Variants in ZFHX3 observed in about 807,000 individuals in gnomAD.
ZFHX3 encodes the protein zinc finger homeobox protein 3.
In ZFHX3, 42 loss-of-function variants were observed where a neutral mutation model predicts 279.1. That is an observed-to-expected ratio of 0.15 (90% CI 0.12 to 0.19). The LOEUF (loss-of-function observed/expected upper bound fraction) is 0.19. Among genes scored for constraint, ZFHX3 ranks in the 10% least tolerant of loss-of-function variants. The pLI is 1.00. For missense variants in ZFHX3, 4,981 were observed against 4,754.0 expected, an observed-to-expected ratio of 1.05 and a Z score of -1.40; for synonymous variants, 2,293 against 1,957.8, an observed-to-expected ratio of 1.17 and a Z score of -4.52.
rs77877180 is a variant in ZFHX3, at chr16:73,866,832, C to T, written c.-1608+24819G>A. Among the ~76,000 whole-genome samples, 1,034 of 152,250 alleles carry T rather than the reference C, an allele frequency of 6.8e-3. 10 individuals are homozygous for T. Among genetic ancestry groups the T allele is most frequent in the African/African-American group, 0.023 (969 of 41,534 alleles). ...TGGCCTGGTGAGCTGTTGACAGCTA[C>T]GGGCATCTAGTGCTTCATCCTGCCA... On this transcript the variant is annotated intron_variant, in intron 1 of 17. Transcript: ENST00000641206.
At chr16:72,948,024 G>C (rs1960787161) in intron 3 of ZFHX3, among the ~76,000 whole-genome samples, 1 of 152,212 alleles carries the variant, frequency 6.6e-6, no homozygotes, top group Admixed American at 6.5e-5. Flanking sequence ...TTCCTTAGTG[G>C]CAAGAGAAGT....
intron 2 of ZFHX3, among the ~76,000 whole-genome samples, chr16:73,624,276 A>G (rs1258681243): frequency 3.3e-5 from 5 of 152,246 alleles, no homozygotes; most frequent in African/African-American, 1.2e-4. Context: ...AAAATTCTTT[A>G]GCTGTTTCAA....
chr16:73,062,130 G>C (rs573886526), upstream of ZFHX3: 1 of 152,110 alleles, frequency 6.6e-6, no homozygotes, highest in East Asian at 1.9e-4. Flanking sequence ...CTTTCATTTA[G>C]CTGGCAAGAG....
At chr16:72,813,965 TC>T (rs1041155326) in intron 5 of ZFHX3, among the ~76,000 whole-genome samples, 2 of 152,196 alleles carry the variant, frequency 1.3e-5, no homozygotes, top group African/African-American at 4.8e-5. Context: ...GAACTTAAGT[TC>T]CCTTGCCCCC....
chr16:73,867,281 C>T (rs1266669281), intron 1 of ZFHX3, among the ~76,000 whole-genome samples: 2 of 152,142 alleles, frequency 1.3e-5, no homozygotes, highest in Non-Finnish European at 2.9e-5. Context: ...TTTTCATGAG[C>T]TCCATCTCAC....
intron 2 of ZFHX3, among the ~76,000 whole-genome samples, chr16:73,502,338 A>G (rs1425586344): frequency 1.3e-5 from 2 of 152,248 alleles, no homozygotes; most frequent in Non-Finnish European, 2.9e-5. Flanking sequence ...AAACTTGGAA[A>G]GGCCACCATT....
At chr16:73,569,621 G>T (rs1358410019) in intron 2 of ZFHX3, among the ~76,000 whole-genome samples, 1 of 152,146 alleles carries the variant, frequency 6.6e-6, no homozygotes, top group Non-Finnish European at 1.5e-5. Flanking sequence ...CACAATGCAT[G>T]TATAATTTAA....
intron 2 of ZFHX3, among the ~76,000 whole-genome samples, chr16:73,565,949 C>T (rs999367103): frequency 2.0e-5 from 3 of 151,872 alleles, no homozygotes; most frequent in Admixed American, 1.3e-4. Context: ...AAATTTGGGC[C>T]GGGATGGGGG....
intron 1 of ZFHX3, among the ~76,000 whole-genome samples, chr16:73,728,316 C>G (rs751637433): frequency 6.6e-6 from 1 of 152,134 alleles, no homozygotes; most frequent in Non-Finnish European, 1.5e-5. Flanking sequence ...CTGCTGACAC[C>G]TTGATCTCAG....
At chr16:73,653,640 T>A (rs947948489) in intron 2 of ZFHX3, among the ~76,000 whole-genome samples, 1 of 152,132 alleles carries the variant, frequency 6.6e-6, no homozygotes, top group Non-Finnish European at 1.5e-5. Flanking sequence ...CAATGACTAC[T>A]TTCCCATTTC....
At chr16:72,800,192 A>G in intron 7 of ZFHX3, 63 bp from the exon 8 acceptor site, 1 of 1,440,776 alleles carries the variant, frequency 6.9e-7, no homozygotes, top group Non-Finnish European at 9.7e-7. Flanking sequence ...GGAAATGTTT[A>G]AAAATTATTT....
chr16:73,764,436 A>G (rs983027093), intron 1 of ZFHX3, among the ~76,000 whole-genome samples: 6 of 152,170 alleles, frequency 3.9e-5, no homozygotes, highest in African/African-American at 1.4e-4. Flanking sequence ...ACAAAGAAAG[A>G]CTGCAGAGGG....
chr16:73,812,827 G>C (rs1422322544), intron 1 of ZFHX3, among the ~76,000 whole-genome samples: 2 of 152,206 alleles, frequency 1.3e-5, no homozygotes, highest in African/African-American at 4.8e-5. Flanking sequence ...AAAGGTGACA[G>C]ATAAGGCAGC....
At chr16:72,926,228 G>C (rs1035651047) in intron 3 of ZFHX3, among the ~76,000 whole-genome samples, 1 of 152,118 alleles carries the variant, frequency 6.6e-6, no homozygotes, top group Non-Finnish European at 1.5e-5. Context: ...ACTCAAACTA[G>C]ATGCTAGAAT....
chr16:73,764,962 T>C (rs1202693674), intron 1 of ZFHX3, among the ~76,000 whole-genome samples: 1 of 152,250 alleles, frequency 6.6e-6, no homozygotes, highest in Non-Finnish European at 1.5e-5. Context: ...TCTCAACGCC[T>C]GGATCAGGAT....
At chr16:73,363,615 G>T (rs886306747) in intron 3 of ZFHX3, among the ~76,000 whole-genome samples, 2 of 151,818 alleles carry the variant, frequency 1.3e-5, no homozygotes, top group Non-Finnish European at 2.9e-5. Context: ...AAAATAGAAA[G>T]GAAAAACACA....
chr16:73,490,727 C>T (rs2019044854), intron 2 of ZFHX3, among the ~76,000 whole-genome samples: 1 of 152,118 alleles, frequency 6.6e-6, no homozygotes, highest in East Asian at 1.9e-4. Context: ...GTCCCAGCTA[C>T]TCAGGAGGGT....
intron 1 of ZFHX3, among the ~76,000 whole-genome samples, chr16:73,707,151 A>G (rs1238693123): frequency 1.3e-5 from 2 of 152,096 alleles, no homozygotes; most frequent in East Asian, 1.9e-4. Context: ...AATTTTTACA[A>G]GTCCCTTTCT....
At chr16:73,509,544 T>G (rs1158436602) in intron 2 of ZFHX3, among the ~76,000 whole-genome samples, 1 of 89,766 alleles carries the variant, frequency 1.1e-5, no homozygotes, top group Non-Finnish European at 2.0e-5. Context: ...TTTTTTTTTT[T>G]GAGACAATTT....
Sources: allele counts gnomAD v4.1 joint callset (sites outside exome capture counted in the v4.1 genomes callset), GRCh38; gene constraint gnomAD v4.1.1; transcripts MANE v1.5; gene names NCBI Gene and HGNC (gene_info 2026-07-23, HGNC 2026-07-21).